PTPRD: variants seen among roughly 807,000 people sequenced by gnomAD.
PTPRD encodes the protein protein tyrosine phosphatase receptor type D.
PTPRD carries 34 observed loss-of-function variants against 214.5 expected under a neutral mutation model. The observed-to-expected ratio is 0.16, with a 90% CI of 0.12 to 0.21. The LOEUF (loss-of-function observed/expected upper bound fraction) is 0.21, where lower values mean the gene tolerates loss of function less well. Among genes scored for constraint, PTPRD ranks in the 10% least tolerant of loss-of-function variants. PTPRD has a pLI of 1.00. For missense variants in PTPRD, 2,545 were observed against 2,398.7 expected (o/e 1.06, Z -1.27); for synonymous variants, 1,128 against 845.7 (o/e 1.33, Z -5.79).
intron 2 of PTPRD, among the ~76,000 whole-genome samples, chr9:10,392,357 A>T (rs367711003): frequency 6.6e-6 from 1 of 151,668 alleles, no homozygotes; most frequent in Non-Finnish European, 1.5e-5. Flanking sequence ...TAGTCATTTG[A>T]GATCACCTGA....
Position 8,340,330 on chromosome 9 carries a change from G to A in PTPRD, c.5253+13C>T, listed in dbSNP as rs2132343020. 3 of 1,595,268 alleles carry A rather than the reference G, an allele frequency of 1.9e-6. No homozygotes were observed. The highest frequency in any genetic ancestry group is 2.6e-6 in the Non-Finnish European group (3 of 1,166,150). On this transcript the variant is annotated intron_variant, in intron 42 of 45. Coordinates refer to ENST00000381196, the MANE Select transcript of PTPRD (RefSeq NM_002839.4). Reference sequence around the variant, plus strand: ...ATGTCTTATGAGGAGACACACAAGGGCCACACACTTACTCTGCCCATTTCA... The same window carrying A: ...ATGTCTTATGAGGAGACACACAAGGACCACACACTTACTCTGCCCATTTCA...
intron 33 of PTPRD, among the ~76,000 whole-genome samples, chr9:8,456,306 C>T (rs2096199695): frequency 6.6e-6 from 1 of 151,988 alleles, no homozygotes; most frequent in South Asian, 2.1e-4. Context: ...AAAAGTGATC[C>T]TAAAGCAGCC....
intron 11 of PTPRD, among the ~76,000 whole-genome samples, chr9:8,837,739 T>C (rs912241797): frequency 1.3e-5 from 2 of 152,136 alleles, no homozygotes; most frequent in Admixed American, 6.5e-5. Context: ...TAGACTCAAG[T>C]GATTCTCCTG....
chr9:9,705,561 T>C (rs940593778), intron 7 of PTPRD, among the ~76,000 whole-genome samples: 2 of 152,108 alleles, frequency 1.3e-5, no homozygotes, highest in Non-Finnish European at 2.9e-5. Context: ...GTCTTTGCTC[T>C]CCATGATCTT....
intron 4 of PTPRD, among the ~76,000 whole-genome samples, chr9:9,953,649 T>C (rs967772726): frequency 1.2e-4 from 19 of 152,258 alleles, no homozygotes; most frequent in African/African-American, 4.6e-4. Flanking sequence ...TAACAGTCTG[T>C]GATATTGGTT....
intron 2 of PTPRD, among the ~76,000 whole-genome samples, chr9:10,466,895 C>T (rs1816473008): frequency 6.6e-6 from 1 of 152,114 alleles, no homozygotes; most frequent in Admixed American, 6.5e-5. Flanking sequence ...TCAGACTGGA[C>T]TACAAAACTT....
rs551993467 is a variant in PTPRD, at chr9:10,217,278, CA to C, written c.-545+123684del. 4.2e-4 allele frequency among the ~76,000 whole-genome samples: 64 copies of C among 151,626 alleles called. No individual in the cohort carries two copies. The Admixed American group carries it at 4.2e-3, about 10-fold the overall frequency. On this transcript the variant is annotated intron_variant, in intron 3 of 45. Transcript: ENST00000381196. ...TACATTTTATTGGCCTCTTCCAGGC[CA>C]ACACAGACACGCAGGTACAAACACA...
intron 2 of PTPRD, among the ~76,000 whole-genome samples, chr9:10,436,517 C>T (rs1423321531): frequency 1.3e-5 from 2 of 151,698 alleles, no homozygotes; most frequent in Non-Finnish European, 2.9e-5. Flanking sequence ...GTCTCCAACA[C>T]ATTTTGTTAT....
rs551305369 is a variant in PTPRD, at chr9:9,296,210, T to C, written c.-203+101239A>G. The stretch of plus-strand genomic sequence containing the variant: ...CTGCTGGTTCTGCACCATGAACTTG[T>C]ACTCATATTACAGTTCAGGTTTATA... On this transcript the variant is annotated intron_variant, in intron 9 of 45. Coordinates refer to ENST00000381196, the MANE Select transcript of PTPRD (RefSeq NM_002839.4). Among the ~76,000 whole-genome samples, 16 of 151,898 alleles carry C rather than the reference T, an allele frequency of 1.1e-4. No homozygotes were observed. The East Asian group carries it at 3.1e-3, about 30-fold the overall frequency.
intron 11 of PTPRD, among the ~76,000 whole-genome samples, chr9:8,894,908 C>G (rs560839891): frequency 6.6e-6 from 1 of 152,250 alleles, no homozygotes; most frequent in South Asian, 2.1e-4. Context: ...AGAGAGACAA[C>G]ACACAATTTG....
At chr9:10,065,646 G>A (rs865780694) in intron 3 of PTPRD, among the ~76,000 whole-genome samples, 1 of 151,846 alleles carries the variant, frequency 6.6e-6, no homozygotes, top group Non-Finnish European at 1.5e-5. Context: ...TAGTTACAAA[G>A]GCAAACCCTA....
intron 11 of PTPRD, among the ~76,000 whole-genome samples, chr9:8,798,340 T>G (rs532904784): frequency 6.6e-6 from 1 of 152,158 alleles, no homozygotes; most frequent in Admixed American, 6.6e-5. Flanking sequence ...TTTAAAAATT[T>G]TTTAACAGTT....
intron 14 of PTPRD, among the ~76,000 whole-genome samples, chr9:8,572,221 T>G (rs1462384314): frequency 6.6e-6 from 1 of 152,114 alleles, no homozygotes; most frequent in Non-Finnish European, 1.5e-5. Flanking sequence ...AAGCATAATC[T>G]TTCCATTTTA....
At chr9:8,875,019 G>A (rs1302000974) in intron 11 of PTPRD, among the ~76,000 whole-genome samples, 1 of 152,180 alleles carries the variant, frequency 6.6e-6, no homozygotes, top group East Asian at 1.9e-4. Flanking sequence ...GTGCTCATCA[G>A]TGGTAGAGTC....
intron 3 of PTPRD, among the ~76,000 whole-genome samples, chr9:10,335,993 A>G (rs2154438867): frequency 6.6e-6 from 1 of 151,886 alleles, no homozygotes; most frequent in East Asian, 2.0e-4. Context: ...TGCTGGTGGG[A>G]GTGCAAATGG....
intron 3 of PTPRD, among the ~76,000 whole-genome samples, chr9:10,152,376 ATTGTT>A (rs1336744197): frequency 1.3e-5 from 2 of 151,688 alleles, no homozygotes; most frequent in African/African-American, 4.9e-5. Flanking sequence ...TGTTTTTATT[ATTGTT>A]TTGAGAGTTC....
In PTPRD at chr9:10,511,878, G is replaced by GTGTGTGTA. The variant is rs1555453789; in HGVS notation, c.-600+100519_-600+100520insTACACACA. The stretch of plus-strand genomic sequence containing the variant: ...TGTGTGTGTGTGTGTGTGTGTGTGT[G>GTGTGTGTA]TATATACACACACACATATATATAC... On this transcript the variant is annotated intron_variant, in intron 2 of 45. Coordinates refer to ENST00000381196, the MANE Select transcript of PTPRD (RefSeq NM_002839.4). Among the ~76,000 whole-genome samples the GTGTGTGTA allele has an allele frequency of 8.8e-3, 1,176 of 133,804 alleles. 21 individuals are homozygous for GTGTGTGTA. Among genetic ancestry groups the GTGTGTGTA allele is most frequent in the African/African-American group, 0.025 (877 of 35,190 alleles). 87.8% of individuals were successfully genotyped at this position (133,804 alleles called of 152,430 possible).
chr9:9,246,890 A>T (rs149459359), intron 9 of PTPRD, among the ~76,000 whole-genome samples: 42 of 152,132 alleles, frequency 2.8e-4, no homozygotes, highest in African/African-American at 9.4e-4. Flanking sequence ...GCACTTTGGC[A>T]TGCTGAGTAA....
rs1822198824 is a variant in PTPRD, at chr9:8,316,876, A to T, written c.*998T>A. Reference sequence around the variant, plus strand: ...CAATAGCTTTTCTACGTTTAAAAAAACTAAATCATGGAAGAACTGACTGAC... The same window carrying T: ...CAATAGCTTTTCTACGTTTAAAAAATCTAAATCATGGAAGAACTGACTGAC... On this transcript the variant is annotated 3_prime_UTR_variant, in exon 46 of 46. Transcript: ENST00000381196. The T allele has an allele frequency of 1.8e-5, 4 of 228,384 alleles. No homozygotes were observed. Among genetic ancestry groups the T allele is most frequent in the Non-Finnish European group, 3.4e-5 (4 of 116,478 alleles). The allele number at this position is 228,384 out of a possible 1,614,324, so 14.1% of individuals were successfully genotyped here. A position where few individuals can be genotyped will look rare whatever the true frequency, so the allele number is the denominator to read the frequency against.
Sources: gnomAD v4.1 joint callset for allele counts (sites outside exome capture counted in the v4.1 genomes callset) on GRCh38, gnomAD v4.1.1 for gene constraint, MANE v1.5 for transcripts, NCBI Gene and HGNC (gene_info 2026-07-23, HGNC 2026-07-21) for gene names.